The following SYMPK variants were observed in gnomAD, a reference collection of about 807,000 sequenced individuals.
SYMPK encodes the protein symplekin.
SYMPK carries 49 observed loss-of-function variants against 136.4 expected under a neutral mutation model. The observed-to-expected ratio is 0.36, with a 90% CI of 0.29 to 0.46. The LOEUF (loss-of-function observed/expected upper bound fraction) is 0.46, where lower values mean the gene tolerates loss of function less well. SYMPK is among the 20% of genes least tolerant of loss of function. The pLI is 1.00. For synonymous variants in SYMPK, 766 were observed against 713.0 expected (o/e 1.07, Z -1.19); for missense variants, 1,365 against 1,690.0 (o/e 0.81, Z 3.37).
chr19:45,847,144 C>T (rs1971582154), intron 7 of SYMPK, among the ~76,000 whole-genome samples: 2 of 151,798 alleles, frequency 1.3e-5, no homozygotes, highest in African/African-American at 4.8e-5. Context: ...AACTGCCCGG[C>T]GCGGTGGCTC....
At chr19:45,836,447 A>G (rs1971302323) in intron 10 of SYMPK, among the ~76,000 whole-genome samples, 1 of 151,812 alleles carries the variant, frequency 6.6e-6, no homozygotes, top group African/African-American at 2.4e-5. Flanking sequence ...TGGCTAACAC[A>G]GCGAAACCTC....
In SYMPK at chr19:45,817,908, C is replaced by T. The variant is rs1340611303; in HGVS notation, c.3081+51G>A. The T allele has an allele frequency of 4.0e-6, 6 of 1,501,118 alleles. No homozygotes were observed. The Admixed American group carries it at 1.0e-4, about 26-fold the overall frequency. 93.0% of individuals were successfully genotyped at this position (1,501,118 alleles called of 1,614,324 possible). A position where few individuals can be genotyped will look rare whatever the true frequency, so the allele number is the denominator to read the frequency against. On this transcript the variant is annotated intron_variant, in intron 23 of 26. Transcript: ENST00000245934. ...ACGGGGGAAGGGGAGGGCAAGCAGG[C>T]TAGAAGCTGCTGTCTGCAGCCTGGA...
chr19:45,851,245 T>C (rs964679208), intron 5 of SYMPK, among the ~76,000 whole-genome samples: 14 of 152,180 alleles, frequency 9.2e-5, no homozygotes, highest in African/African-American at 3.4e-4. Context: ...AACGAGATTG[T>C]GAACGTGCTA....
intron 23 of SYMPK, among the ~76,000 whole-genome samples, chr19:45,817,679 C>T (rs759855390): frequency 1.3e-5 from 2 of 152,102 alleles, no homozygotes; most frequent in African/African-American, 2.4e-5. Flanking sequence ...GCATCCTGGC[C>T]GGGCACACAG....
chr19:45,817,395 C>T (rs374566046), intron 23 of SYMPK, among the ~76,000 whole-genome samples: 1 of 142,788 alleles, frequency 7.0e-6, no homozygotes. Flanking sequence ...ATTAGTCCTG[C>T]GGGGTTTGGT....
At chr19:45,836,401 T>C (rs7246123) in intron 10 of SYMPK, among the ~76,000 whole-genome samples, 109,725 of 151,780 alleles carry the variant, frequency 0.72, 40,176 homozygotes, top group African/African-American at 0.83. Flanking sequence ...GAGGCTGAGG[T>C]GGGCGGATCA....
chr19:45,842,795 A>C, intron 8 of SYMPK: 2 of 333,496 alleles, frequency 6.0e-6, no homozygotes, highest in Non-Finnish European at 5.6e-6. Context: ...GAGGGTTATA[A>C]TCACCACTTT....
At chr19:45,857,379 G>A (rs1462104900) in intron 1 of SYMPK, among the ~76,000 whole-genome samples, 2 of 120,550 alleles carry the variant, frequency 1.7e-5, no homozygotes, top group African/African-American at 3.3e-5. Context: ...CACTGTACTC[G>A]AGCCTGGGCG....
At chr19:45,851,220 G>A (rs1971689274) in intron 5 of SYMPK, among the ~76,000 whole-genome samples, 1 of 152,160 alleles carries the variant, frequency 6.6e-6, no homozygotes, top group Non-Finnish European at 1.5e-5. Flanking sequence ...CTCTTTGGGG[G>A]ATGAAATGCC....
intron 13 of SYMPK, 131 bp downstream of exon 13, chr19:45,829,923 G>T: frequency 9.6e-7 from 1 of 1,038,364 alleles, no homozygotes; most frequent in Non-Finnish European, 1.4e-6. Flanking sequence ...CTGGAGAAGC[G>T]GCTGTGGGCA....
chr19:45,821,971 G>T lies in SYMPK; in HGVS notation c.2792-486C>A, dbSNP rs1016451482. 3.9e-5 allele frequency among the ~76,000 whole-genome samples: 6 copies of T among 152,138 alleles called. No individual in the cohort carries two copies. The highest frequency in any genetic ancestry group is 5.9e-5 in the Non-Finnish European group (4 of 68,028). ...AGTGGCTCTTTGCTGCTGCTATTTT[G>T]ATGGTCCCAGAGCCATCTATATGTG... On this transcript the variant is annotated intron_variant, in intron 21 of 26. Coordinates refer to ENST00000245934, the MANE Select transcript of SYMPK (RefSeq NM_004819.3). The surrounding 1 kb of genome is among the most constrained non-coding windows in gnomAD (Gnocchi z 4.4).
intron 1 of SYMPK, chr19:45,862,451 G>A (rs1177092132): frequency 1.3e-5 from 2 of 152,246 alleles, no homozygotes; most frequent in Non-Finnish European, 2.9e-5. Context: ...GCTGTGCTGA[G>A]AACACAGTGG....
chr19:45,828,783 C>T (rs926542455), intron 14 of SYMPK, 187 bp downstream of exon 14: 2 of 613,802 alleles, frequency 3.3e-6, no homozygotes, highest in South Asian at 2.0e-5. Flanking sequence ...CGACCTGGAG[C>T]CCACATGCAA....
intron 25 of SYMPK, 115 bp downstream of exon 25, chr19:45,816,367 A>G (rs1475072406): frequency 3.6e-6 from 5 of 1,391,264 alleles, no homozygotes; most frequent in Non-Finnish European, 3.8e-6. Context: ...GGTGGCCCAG[A>G]GGCAGGGGTG....
chr19:45,815,650 C>G lies in SYMPK; in HGVS notation c.3735G>C (p.Gln1245His). ...CATCTTCTCCAACAGGTGCGAGGGT[C>G]TGGGGGCTCCGCTCCTCCTTCAAGG... ...GLTLKEERSP[Q>H]TLAPVGEDAM... is the part of the protein sequence containing the mutation. The change falls in exon 27 of 27, where the codon CAG (glutamine) becomes CAC (histidine). Residue 1245 changes from glutamine to histidine, a missense_variant. Gln to His is a conservative substitution (Grantham distance 24). Transcript: ENST00000245934. 8 of 1,610,806 alleles carry G rather than the reference C, an allele frequency of 5.0e-6. No homozygotes were observed. Among genetic ancestry groups the G allele is most frequent in the Non-Finnish European group, 5.9e-6 (7 of 1,179,168 alleles).
At chr19:45,820,289 A>G (rs969457330) in intron 22 of SYMPK, 9 of 152,274 alleles carry the variant, frequency 5.9e-5, no homozygotes, top group African/African-American at 1.9e-4. Context: ...GGGAATGTGA[A>G]GACCACAGCC....
At chr19:45,817,061 C>T (rs1189462667) in intron 23 of SYMPK, 87 bp from the exon 24 acceptor site, 1 of 1,363,150 alleles carries the variant, frequency 7.3e-7, no homozygotes, top group Non-Finnish European at 1.0e-6. Context: ...TTGCCAAGAC[C>T]ATGCCCAAAT....
chr19:45,835,351 G>A (rs1971278088), intron 10 of SYMPK, 123 bp from the exon 11 acceptor site: 1 of 897,650 alleles, frequency 1.1e-6, no homozygotes, highest in East Asian at 2.7e-5. Context: ...GCTCTCCTGG[G>A]GCCCAGCCTC....
chr19:45,845,915 GT>G (rs1322966145), intron 7 of SYMPK, among the ~76,000 whole-genome samples: 3 of 152,156 alleles, frequency 2.0e-5, no homozygotes, highest in Admixed American at 6.6e-5. Flanking sequence ...TTTCATTGTA[GT>G]TTTGACTTGA....
Sources: allele counts gnomAD v4.1 joint callset (sites outside exome capture counted in the v4.1 genomes callset), GRCh38; gene constraint gnomAD v4.1.1; non-coding constraint Gnocchi (gnomAD v3.1); transcripts MANE v1.5; gene names NCBI Gene and HGNC (gene_info 2026-07-23, HGNC 2026-07-21).